ZMAT4: variants seen among roughly 807,000 people sequenced by gnomAD.
ZMAT4 encodes zinc finger matrin-type 4, also known as zinc finger matrin-type protein 4.
ZMAT4 carries 17 observed loss-of-function variants against 28.7 expected under a neutral mutation model. The observed-to-expected ratio is 0.59, with a 90% CI of 0.41 to 0.89. The LOEUF is 0.89. Ranked by LOEUF, ZMAT4 falls within the 40% of genes least tolerant of loss-of-function variation. The pLI is 0.00. For missense variants in ZMAT4, 240 were observed against 283.8 expected (o/e 0.85, Z 1.11); for synonymous variants, 117 against 109.2 (o/e 1.07, Z -0.44).
At chr8:40,650,014 A>T (rs1388872683) in intron 5 of ZMAT4, among the ~76,000 whole-genome samples, 1 of 151,964 alleles carries the variant, frequency 6.6e-6, no homozygotes. Flanking sequence ...CAATTAAAAG[A>T]ACTAGAAAAG....
chr8:40,721,549 G>A (rs903734490), intron 3 of ZMAT4, among the ~76,000 whole-genome samples: 15 of 133,736 alleles, frequency 1.1e-4, no homozygotes, highest in African/African-American at 3.1e-4. Context: ...CTGAGGAATC[G>A]CCACACTGAT....
intron 1 of ZMAT4, among the ~76,000 whole-genome samples, chr8:40,891,460 G>A (rs1243590185): frequency 4.6e-5 from 7 of 151,782 alleles, no homozygotes; most frequent in African/African-American, 1.5e-4. Flanking sequence ...CTGGGCTGAC[G>A]CACCGCTCTT....
At chr8:40,846,534 G>C (rs565144288) in intron 1 of ZMAT4, among the ~76,000 whole-genome samples, 15 of 152,306 alleles carry the variant, frequency 9.8e-5, no homozygotes, top group African/African-American at 3.6e-4. Flanking sequence ...TAAAATCATT[G>C]CGCTGTTTGT....
At chr8:40,764,080 C>G (rs4288363) in intron 3 of ZMAT4, among the ~76,000 whole-genome samples, 11 of 151,874 alleles carry the variant, frequency 7.2e-5, no homozygotes, top group African/African-American at 2.7e-4. Context: ...ATCTGACCCA[C>G]GGGTCTGAAG....
chr8:40,838,635 A>C (rs746194921), intron 1 of ZMAT4, among the ~76,000 whole-genome samples: 1 of 152,136 alleles, frequency 6.6e-6, no homozygotes, highest in Non-Finnish European at 1.5e-5. Context: ...TGGTGTCTTC[A>C]ACCATCCTGC....
At chr8:40,807,499 T>C (rs16889954) in intron 2 of ZMAT4, among the ~76,000 whole-genome samples, 64,037 of 151,966 alleles carry the variant, frequency 0.42, 14,464 homozygotes, top group Middle Eastern at 0.57. Context: ...TAAGTGGCTA[T>C]GGATGATCTA....
chr8:40,562,591 A>T (rs1203984391), intron 6 of ZMAT4, among the ~76,000 whole-genome samples: 1 of 151,240 alleles, frequency 6.6e-6, no homozygotes, highest in Non-Finnish European at 1.5e-5. Flanking sequence ...CTGCTGGGGC[A>T]CTCTCCCTCA....
At chr8:40,612,923 C>T (rs1468538479) in intron 5 of ZMAT4, among the ~76,000 whole-genome samples, 1 of 151,156 alleles carries the variant, frequency 6.6e-6, no homozygotes, top group Non-Finnish European at 1.5e-5. Context: ...AGTGATTCTC[C>T]TGCCTCAGCC....
chr8:40,820,500 G>C (rs1467770800), intron 2 of ZMAT4, among the ~76,000 whole-genome samples: 4 of 150,668 alleles, frequency 2.7e-5, no homozygotes, highest in African/African-American at 4.9e-5. Flanking sequence ...GTATATGTGT[G>C]TATGTGTGTA....
chr8:40,626,380 T>A (rs946391808), intron 5 of ZMAT4, among the ~76,000 whole-genome samples: 1 of 152,098 alleles, frequency 6.6e-6, no homozygotes, highest in African/African-American at 2.4e-5. Context: ...AACATAGGAA[T>A]TCATGGTTCC....
chr8:40,718,144 G>A (rs866252141), intron 3 of ZMAT4, among the ~76,000 whole-genome samples: 6 of 152,234 alleles, frequency 3.9e-5, no homozygotes, highest in African/African-American at 1.2e-4. Flanking sequence ...TTAGAACCTC[G>A]TATAGATAGC....
At chr8:40,617,053 T>C (rs1806033637) in intron 5 of ZMAT4, among the ~76,000 whole-genome samples, 1 of 152,114 alleles carries the variant, frequency 6.6e-6, no homozygotes, top group Non-Finnish European at 1.5e-5. Context: ...GACTAGACCC[T>C]GAGCTTTGAG....
At chr8:40,872,761 G>A (rs923402271) in intron 1 of ZMAT4, among the ~76,000 whole-genome samples, 6 of 152,126 alleles carry the variant, frequency 3.9e-5, no homozygotes, top group Admixed American at 6.5e-5. Flanking sequence ...GAACTCGGGG[G>A]GATGGTTGAT....
At chr8:40,801,064 G>A (rs1364042065) in intron 2 of ZMAT4, among the ~76,000 whole-genome samples, 1 of 151,590 alleles carries the variant, frequency 6.6e-6, no homozygotes, top group African/African-American at 2.4e-5. Flanking sequence ...TGAACATTAA[G>A]GCAATAATTT....
chr8:40,649,020 C>T (rs982973768), intron 5 of ZMAT4, among the ~76,000 whole-genome samples: 147 of 143,448 alleles, frequency 1.0e-3, no homozygotes, highest in African/African-American at 2.9e-3. Context: ...CATCAACTAA[C>T]GAGCAAAATA....
intron 5 of ZMAT4, among the ~76,000 whole-genome samples, chr8:40,599,070 C>A (rs144964160): frequency 6.6e-6 from 1 of 152,172 alleles, no homozygotes; most frequent in African/African-American, 2.4e-5. Flanking sequence ...CTGACATTGA[C>A]CCCTATTCTA....
chr8:40,849,228 A>G (rs149254644), intron 1 of ZMAT4, among the ~76,000 whole-genome samples: 142 of 152,376 alleles, frequency 9.3e-4, no homozygotes, highest in Non-Finnish European at 1.1e-3. Flanking sequence ...CTGGCTCTGC[A>G]CTGGCCTCAG....
At chr8:40,563,615 A>C (rs1803818541) in intron 6 of ZMAT4, among the ~76,000 whole-genome samples, 1 of 152,138 alleles carries the variant, frequency 6.6e-6, no homozygotes, top group Non-Finnish European at 1.5e-5. Flanking sequence ...AAAACAGATA[A>C]GAACATGAAA....
chr8:40,841,096 A>T (rs1355779269), intron 1 of ZMAT4, among the ~76,000 whole-genome samples: 2 of 152,226 alleles, frequency 1.3e-5, no homozygotes, highest in African/African-American at 4.8e-5. Flanking sequence ...CAGGCTACTT[A>T]GTCCTATAGG....
Sources: gnomAD v4.1 joint callset for allele counts (sites outside exome capture counted in the v4.1 genomes callset) on GRCh38, gnomAD v4.1.1 for gene constraint, MANE v1.5 for transcripts, NCBI Gene and HGNC (gene_info 2026-07-23, HGNC 2026-07-21) for gene names.